The following ZNF385D variants were observed in gnomAD, a reference collection of about 807,000 sequenced individuals.
The protein encoded by ZNF385D is zinc finger protein 659.
In ZNF385D, 15 loss-of-function variants were observed where a neutral mutation model predicts 35.8. The observed-to-expected ratio is 0.42, with a 90% CI of 0.28 to 0.64. ZNF385D has a LOEUF of 0.64. ZNF385D is among the 30% of genes least tolerant of loss of function. The pLI is 0.23. For synonymous variants in ZNF385D, 212 were observed against 186.8 expected, an observed-to-expected ratio of 1.13 and a Z score of -1.10; for missense variants, 474 against 494.6, an observed-to-expected ratio of 0.96 and a Z score of 0.39.
At chr3:21,619,577 CTGTT>C (rs1474877540) in intron 2 of ZNF385D, among the ~76,000 whole-genome samples, 1 of 152,072 alleles carries the variant, frequency 6.6e-6, no homozygotes, top group African/African-American at 2.4e-5. Flanking sequence ...CATTATTCTC[CTGTT>C]TAACACTAGC....
intron 3 of ZNF385D, among the ~76,000 whole-genome samples, chr3:21,782,453 C>CA (rs2071529742): frequency 6.6e-6 from 1 of 152,106 alleles, no homozygotes; most frequent in African/African-American, 2.4e-5. Flanking sequence ...TAACTCAAGA[C>CA]AAATGAGCTT....
At chr3:21,604,729 G>A (rs896754260) in intron 2 of ZNF385D, among the ~76,000 whole-genome samples, 11 of 152,136 alleles carry the variant, frequency 7.2e-5, no homozygotes, top group African/African-American at 2.7e-4. Flanking sequence ...GTAAGAGTCT[G>A]AGTGAACAGT....
intron 2 of ZNF385D, chr3:22,372,407 T>C (rs922857567): frequency 6.2e-6 from 6 of 975,498 alleles, no homozygotes; most frequent in Non-Finnish European, 7.3e-6. Context: ...CCCAACGAAC[T>C]CCGCCACCTG....
chr3:21,924,514 A>C (rs1700629570), intron 3 of ZNF385D, among the ~76,000 whole-genome samples: 1 of 152,164 alleles, frequency 6.6e-6, no homozygotes, highest in South Asian at 2.1e-4. Flanking sequence ...CCCTCAAAAA[A>C]TTGTGGCCCC....
In ZNF385D at chr3:21,569,020, G is replaced by GA. The variant is rs529145037; in HGVS notation, c.166-4337dup. Among the ~76,000 whole-genome samples, 18 of 152,208 alleles carry GA rather than the reference G, an allele frequency of 1.2e-4. No individual in the cohort carries two copies. The South Asian group carries it at 3.5e-3, about 30-fold the overall frequency. On this transcript the variant is annotated intron_variant, in intron 2 of 7. Coordinates refer to ENST00000281523, the MANE Select transcript of ZNF385D (RefSeq NM_024697.3). ...TTCAGAATAGGTGTGGTATGGTGCT[G>GA]AAAAAAATGTATATTCTGTTGATTT...
At chr3:21,820,882 ATACAG>A (rs1304530122) in intron 3 of ZNF385D, among the ~76,000 whole-genome samples, 1 of 151,894 alleles carries the variant, frequency 6.6e-6, no homozygotes, top group Non-Finnish European at 1.5e-5. Context: ...AGTGGGAAAA[ATACAG>A]TAAAGTTAGT....
chr3:22,144,101 T>C (rs1704694455), intron 3 of ZNF385D, among the ~76,000 whole-genome samples: 1 of 152,140 alleles, frequency 6.6e-6, no homozygotes, highest in Admixed American at 6.5e-5. Context: ...GTGGGAAAAA[T>C]ATTTGATAAA....
chr3:21,773,221 T>C (rs1370150947), intron 3 of ZNF385D, among the ~76,000 whole-genome samples: 3 of 151,892 alleles, frequency 2.0e-5, no homozygotes, highest in Non-Finnish European at 4.4e-5. Flanking sequence ...TATAATGTAT[T>C]TTAACACAAC....
chr3:21,592,896 G>A (rs1049444350), intron 2 of ZNF385D, among the ~76,000 whole-genome samples: 12 of 152,120 alleles, frequency 7.9e-5, no homozygotes, highest in Non-Finnish European at 1.6e-4. Flanking sequence ...GATCTCCTAA[G>A]CAGGCCCCTT....
chr3:21,729,190 A>C (rs770486278), intron 1 of ZNF385D, among the ~76,000 whole-genome samples: 7 of 152,196 alleles, frequency 4.6e-5, no homozygotes, highest in Non-Finnish European at 8.8e-5. Flanking sequence ...ACTGATGGCA[A>C]AAATCAAAGT....
intron 3 of ZNF385D, among the ~76,000 whole-genome samples, chr3:21,881,566 A>T (rs1341567618): frequency 6.6e-6 from 1 of 152,044 alleles, no homozygotes; most frequent in Non-Finnish European, 1.5e-5. Flanking sequence ...GGAGATGTAC[A>T]AGGAGATTAA....
chr3:21,576,443 AT>A (rs964876203), intron 2 of ZNF385D, among the ~76,000 whole-genome samples: 10 of 152,318 alleles, frequency 6.6e-5, no homozygotes, highest in Admixed American at 5.9e-4. Flanking sequence ...TTCAGACATT[AT>A]TTTTCTTAGA....
chr3:21,657,705 T>A (rs113147840), intron 2 of ZNF385D, among the ~76,000 whole-genome samples: 1 of 151,358 alleles, frequency 6.6e-6, no homozygotes, highest in African/African-American at 2.4e-5. Flanking sequence ...GCTTTTTTTT[T>A]ACTTAAAATT....
At chr3:21,819,804 AAATAT>A (rs1451288859) in intron 3 of ZNF385D, among the ~76,000 whole-genome samples, 13 of 143,804 alleles carry the variant, frequency 9.0e-5, no homozygotes, top group Admixed American at 5.5e-4. Context: ...ATATATACAT[AAATAT>A]AATATACATA....
intron 3 of ZNF385D, among the ~76,000 whole-genome samples, chr3:21,980,874 T>C (rs1045007496): frequency 1.3e-5 from 2 of 152,166 alleles, no homozygotes; most frequent in Non-Finnish European, 2.9e-5. Context: ...GTTCCATCTA[T>C]ATTCCTGCAA....
chr3:21,643,113 G>A (rs1462579478), intron 2 of ZNF385D, among the ~76,000 whole-genome samples: 1 of 151,968 alleles, frequency 6.6e-6, no homozygotes, highest in Admixed American at 6.6e-5. Context: ...AAAAAAGAAA[G>A]CAGAAAAAAA....
rs116839295 is a variant in ZNF385D, at chr3:22,370,651, A to G, written c.106+1799T>C. 9.2e-5 allele frequency among the ~76,000 whole-genome samples: 14 copies of G among 152,258 alleles called. 1 individual carries two copies. In the South Asian group the frequency reaches 2.1e-3, roughly 23 times the overall value. The stretch of plus-strand genomic sequence containing the variant: ...TAACAACCGACTTTGGAGTTCTGCA[A>G]TCTTGGATTACAAAACACTAACTGT... On this transcript the variant is annotated intron_variant, in intron 2 of 5. Coordinates refer to the ZNF385D transcript ENST00000494108.
chr3:21,713,044 T>C (rs564469768), intron 1 of ZNF385D, among the ~76,000 whole-genome samples: 71 of 152,338 alleles, frequency 4.7e-4, no homozygotes, highest in African/African-American at 1.6e-3. Context: ...ACTTGCCCAC[T>C]ATGCCAACTT....
intron 3 of ZNF385D, among the ~76,000 whole-genome samples, chr3:22,113,038 TG>T (rs1222924779): frequency 1.3e-5 from 2 of 152,068 alleles, no homozygotes; most frequent in African/African-American, 4.8e-5. Context: ...GTCGCATTTG[TG>T]GAAATGAAGT....
Sources: allele counts gnomAD v4.1 joint callset (sites outside exome capture counted in the v4.1 genomes callset), GRCh38; gene constraint gnomAD v4.1.1; transcripts MANE v1.5; gene names NCBI Gene and HGNC (gene_info 2026-07-23, HGNC 2026-07-21).